The following RPTOR variants were observed in gnomAD, a reference collection of about 807,000 sequenced individuals.
RPTOR encodes the protein regulatory-associated protein of mTOR.
In RPTOR, 21 loss-of-function variants were observed where a neutral mutation model predicts 169.9. The observed-to-expected ratio is 0.12, with a 90% CI of 0.09 to 0.18. The LOEUF (loss-of-function observed/expected upper bound fraction) is 0.18, where lower values mean the gene tolerates loss of function less well. Ranked by LOEUF, RPTOR falls within the 10% of genes least tolerant of loss-of-function variation. The probability of loss-of-function intolerance (pLI) is 1.00; values close to 1 mark genes in which losing one functional copy is unlikely to be tolerated. For missense variants in RPTOR, 1,133 were observed against 1,855.9 expected, an observed-to-expected ratio of 0.61 and a Z score of 7.16; for synonymous variants, 732 against 753.2, an observed-to-expected ratio of 0.97 and a Z score of 0.46.
chr17:80,746,175 A>AAG lies in RPTOR; in HGVS notation c.655-7834_655-7833insGA, dbSNP rs1327588482. On this transcript the variant is annotated intron_variant, in intron 5 of 33. Coordinates refer to ENST00000306801, the MANE Select transcript of RPTOR (RefSeq NM_020761.3). The surrounding 1 kb of genome is among the most constrained non-coding windows in gnomAD (Gnocchi z 4.5). ...AAACCTCCATCTCAAAAAAAAAAAA[A>AAG]AAAGTGCAGTGCAGGTGATCCCCAC... is the stretch of plus-strand genomic sequence containing the variant. 1.3e-5 allele frequency among the ~76,000 whole-genome samples: 2 copies of AAG among 151,292 alleles called. No homozygotes were observed. Among genetic ancestry groups the AAG allele is most frequent in the East Asian group, 3.9e-4 (2 of 5,136 alleles).
At chr17:80,865,813 C>T (rs925304040) in intron 13 of RPTOR, among the ~76,000 whole-genome samples, 3 of 151,934 alleles carry the variant, frequency 2.0e-5, no homozygotes, top group African/African-American at 4.8e-5. Flanking sequence ...TGGGCCCTGA[C>T]GTTTATAGAA....
At chr17:80,560,718 C>T (rs995680506) in intron 1 of RPTOR, among the ~76,000 whole-genome samples, 2 of 152,150 alleles carry the variant, frequency 1.3e-5, no homozygotes, top group African/African-American at 2.4e-5. Flanking sequence ...CATGCCCACC[C>T]GGTGCTCTGT....
At chr17:80,828,698 C>T (rs192658753) in intron 9 of RPTOR, among the ~76,000 whole-genome samples, 7 of 152,242 alleles carry the variant, frequency 4.6e-5, no homozygotes, top group Admixed American at 2.6e-4. Flanking sequence ...TGAAGCAGGT[C>T]GCTAAGGAAA....
At chr17:80,787,029 C>T (rs796129338) in intron 6 of RPTOR, among the ~76,000 whole-genome samples, 3 of 152,176 alleles carry the variant, frequency 2.0e-5, no homozygotes, top group African/African-American at 4.8e-5. Context: ...TGATGACCTG[C>T]GCCCACCACG....
intron 5 of RPTOR, among the ~76,000 whole-genome samples, chr17:80,747,906 G>C (rs2066591654): frequency 6.6e-6 from 1 of 152,056 alleles, no homozygotes; most frequent in South Asian, 2.1e-4. Context: ...CAAATGGTTG[G>C]CAGCGATGGA....
Position 80,646,701 on chromosome 17 carries a change from A to G in RPTOR, c.348+2891A>G, listed in dbSNP as rs1396743979. 1.3e-5 allele frequency among the ~76,000 whole-genome samples: 2 copies of G among 152,174 alleles called. No individual in the cohort carries two copies. The highest frequency in any genetic ancestry group is 2.9e-5 in the Non-Finnish European group (2 of 68,030). ...TTGATGTGCCATCTGCAATAAAACA[A>G]TGGGGGCGTTATTAAATTTCCCAGA... On this transcript the variant is annotated intron_variant, in intron 3 of 33. Coordinates refer to ENST00000306801, the MANE Select transcript of RPTOR (RefSeq NM_020761.3). The surrounding 1 kb of genome is among the most constrained non-coding windows in gnomAD (Gnocchi z 5.0).
At position 80,792,643 on chromosome 17, in the gene RPTOR, A is replaced by T. The variant is rs187089427; in HGVS notation, c.890+1134A>T. ...AGAAGACTGTTTCCAAAGGCTAAAC[A>T]GATAGTGGAGGCTCTCAGAAGCATC... On this transcript the variant is annotated intron_variant, in intron 7 of 33. Coordinates refer to ENST00000306801, the MANE Select transcript of RPTOR (RefSeq NM_020761.3). Among the ~76,000 whole-genome samples, 333 of 152,252 alleles carry T rather than the reference A, an allele frequency of 2.2e-3. 1 individual carries two copies. The highest frequency in any genetic ancestry group is 7.6e-3 in the African/African-American group (317 of 41,560).
intron 25 of RPTOR, among the ~76,000 whole-genome samples, chr17:80,945,415 A>C (rs1307412700): frequency 6.6e-6 from 1 of 152,038 alleles, no homozygotes; most frequent in Non-Finnish European, 1.5e-5. Flanking sequence ...ACACGGTGAA[A>C]CCCCATCTCT....
At chr17:80,688,445 A>G (rs1377448634) in intron 3 of RPTOR, among the ~76,000 whole-genome samples, 1 of 152,226 alleles carries the variant, frequency 6.6e-6, no homozygotes, top group East Asian at 1.9e-4. Flanking sequence ...GTCTGAAGGT[A>G]AATGGTTCAG....
At chr17:80,757,921 GA>G (rs972738296) in intron 6 of RPTOR, among the ~76,000 whole-genome samples, 2 of 152,068 alleles carry the variant, frequency 1.3e-5, no homozygotes, top group African/African-American at 4.8e-5. Flanking sequence ...CTGTATGTCT[GA>G]TCCCTGTCCA....
At chr17:80,741,970 T>C (rs1478481930) in intron 5 of RPTOR, among the ~76,000 whole-genome samples, 2 of 151,944 alleles carry the variant, frequency 1.3e-5, no homozygotes, top group Non-Finnish European at 2.9e-5. Flanking sequence ...CTTCTAGAAG[T>C]AGGGACAGTT....
intron 4 of RPTOR, among the ~76,000 whole-genome samples, chr17:80,728,100 A>T (rs768461374): frequency 3.3e-5 from 5 of 152,230 alleles, no homozygotes; most frequent in Non-Finnish European, 5.9e-5. Flanking sequence ...TGCATTTCTA[A>T]TAAAGAGCAT....
At chr17:80,580,049 A>G (rs1375093978) in intron 1 of RPTOR, among the ~76,000 whole-genome samples, 1 of 152,226 alleles carries the variant, frequency 6.6e-6, no homozygotes, top group Non-Finnish European at 1.5e-5. Flanking sequence ...ACTATGTGCA[A>G]TCATGGCTTC....
At chr17:80,597,151 C>G (rs965902457) in intron 1 of RPTOR, among the ~76,000 whole-genome samples, 1 of 152,158 alleles carries the variant, frequency 6.6e-6, no homozygotes, top group Non-Finnish European at 1.5e-5. Flanking sequence ...CCTTGAAGCT[C>G]GTAGTACCAA....
intron 2 of RPTOR, among the ~76,000 whole-genome samples, chr17:80,634,595 TGTGC>T (rs2065482364): frequency 3.5e-4 from 9 of 25,456 alleles, no homozygotes; most frequent in Admixed American, 3.3e-3. Flanking sequence ...GTACTGTGTG[TGTGC>T]GTACTGTGTG....
chr17:80,794,601 A>G (rs1192479194), intron 7 of RPTOR, among the ~76,000 whole-genome samples: 1 of 152,062 alleles, frequency 6.6e-6, no homozygotes, highest in Non-Finnish European at 1.5e-5. Context: ...TCACACAAAA[A>G]CCTGTGCGTG....
In RPTOR at chr17:80,602,348, C is replaced by T. The variant is rs1381731765; in HGVS notation, c.163-23343C>T. ...GCAGAGGCGCCCCTCACCTCCCGGA[C>T]GGGGCGGCTGGCTGGGCAGGGGGGC... On this transcript the variant is annotated intron_variant, in intron 1 of 33. Transcript: ENST00000306801. 1.9e-4 allele frequency among the ~76,000 whole-genome samples: 13 copies of T among 70,168 alleles called. 2 individuals are homozygous for T. Among genetic ancestry groups the T allele is most frequent in the African/African-American group, 9.6e-4 (13 of 13,596 alleles). 46.0% of individuals were successfully genotyped at this position (70,168 alleles called of 152,430 possible).
intron 3 of RPTOR, among the ~76,000 whole-genome samples, chr17:80,645,403 A>G (rs2065587405): frequency 6.6e-6 from 1 of 152,226 alleles, no homozygotes; most frequent in Non-Finnish European, 1.5e-5. Context: ...ATAAATTCAG[A>G]TCTACCAATT....
chr17:80,821,870 G>A (rs553173388), intron 7 of RPTOR, among the ~76,000 whole-genome samples: 3 of 152,328 alleles, frequency 2.0e-5, no homozygotes, highest in Admixed American at 6.5e-5. Context: ...CTTTCAGCAC[G>A]TGCCACAGAC....
Sources: allele counts gnomAD v4.1 joint callset (sites outside exome capture counted in the v4.1 genomes callset), GRCh38; gene constraint gnomAD v4.1.1; non-coding constraint Gnocchi (gnomAD v3.1); transcripts MANE v1.5; gene names NCBI Gene and HGNC (gene_info 2026-07-23, HGNC 2026-07-21).